The following FAM53A variants were observed in gnomAD, a reference collection of about 807,000 sequenced individuals.
FAM53A encodes the protein family with sequence similarity 53 member A.
In FAM53A, 28 loss-of-function variants were observed where a neutral mutation model predicts 26.6. The observed-to-expected ratio is 1.05, with a 90% CI of 0.78 to 1.45. The LOEUF (loss-of-function observed/expected upper bound fraction) is 1.45, where lower values mean the gene tolerates loss of function less well. Ranked by LOEUF, FAM53A falls within the 40% of genes most tolerant of loss-of-function variation. The pLI is 0.00. For missense variants in FAM53A, 650 were observed against 575.8 expected (o/e 1.13, Z -1.32); for synonymous variants, 290 against 253.1 (o/e 1.15, Z -1.38).
rs1713692967 is a variant in FAM53A, at chr4:1,659,792, G to GTT, written c.76-2326_76-2325dup. On this transcript the variant is annotated intron_variant, in intron 2 of 4. Coordinates refer to ENST00000308132, the MANE Select transcript of FAM53A (RefSeq NM_001174070.3). The surrounding 1 kb of genome is among the most constrained non-coding windows in gnomAD (Gnocchi z 5.2). The stretch of plus-strand genomic sequence containing the variant: ...TCCTGGTTCACAGACGGCTCTTCCG[G>GTT]TTGTATCTATGCATGGTCGAAGGGG... Among the ~76,000 whole-genome samples the GTT allele has an allele frequency of 6.6e-6, 1 of 152,226 alleles. No homozygotes were observed. The highest frequency in any genetic ancestry group is 6.5e-5 in the Admixed American group (1 of 15,278).
the FAM53A span, among the ~76,000 whole-genome samples, chr4:1,577,240 A>AG: frequency 1.1e-4 from 16 of 152,168 alleles, no homozygotes; most frequent in Non-Finnish European, 2.1e-4. Context: ...AGCAGAGGGG[A>AG]CCATGTGCCA....
the FAM53A span, among the ~76,000 whole-genome samples, chr4:1,585,158 A>G: frequency 2.8e-4 from 43 of 152,214 alleles, no homozygotes; most frequent in African/African-American, 1.0e-3. Flanking sequence ...AACACAATAT[A>G]TGATTAATTA....
chr4:1,622,639 G>A (rs1715094766), intron 1 of FAM53A, among the ~76,000 whole-genome samples: 1 of 152,274 alleles, frequency 6.6e-6, no homozygotes, highest in Admixed American at 6.5e-5. Flanking sequence ...GGGTCTGGCG[G>A]GGGCTGTGAG....
rs956708148 is a variant in FAM53A at position 1,655,140 on chromosome 4, G to C, written c.720C>G (p.Ser240Arg). Reference sequence around the variant, plus strand: ...GCGCAGGCGTGGACGTGGGGCTGCTGCTGGCCCAGGGCAGGGGAGTGCCCG... The same window carrying C: ...GCGCAGGCGTGGACGTGGGGCTGCTCCTGGCCCAGGGCAGGGGAGTGCCCG... ...AGAGTPLPWA[S>R]SSPTSTPALG... Residue 240 changes from serine (S) to arginine (R), a missense_variant, in exon 4 of 5, where the codon AGC (serine) becomes AGG (arginine). Coordinates refer to ENST00000308132, the MANE Select transcript of FAM53A (RefSeq NM_001174070.3). 9 of 1,588,008 alleles carry C rather than the reference G, an allele frequency of 5.7e-6. No homozygotes were observed. Among genetic ancestry groups the C allele is most frequent in the South Asian group, 2.3e-5 (2 of 88,852 alleles).
intron 1 of FAM53A, among the ~76,000 whole-genome samples, chr4:1,631,819 T>A (rs1050029206): frequency 6.6e-6 from 1 of 152,102 alleles, no homozygotes; most frequent in Non-Finnish European, 1.5e-5. Flanking sequence ...GGGGGACACA[T>A]GATATACAAG....
At chr4:1,618,534 G>A (rs1239206377) in intron 1 of FAM53A, among the ~76,000 whole-genome samples, 2 of 152,226 alleles carry the variant, frequency 1.3e-5, no homozygotes, top group African/African-American at 2.4e-5. Context: ...GTGCCCACCT[G>A]GAGGTGTGGG....
chr4:1,649,797 G>A (rs1712583252), intron 4 of FAM53A, among the ~76,000 whole-genome samples: 1 of 152,270 alleles, frequency 6.6e-6, no homozygotes, highest in Non-Finnish European at 1.5e-5. Context: ...CGGCCTCCGG[G>A]ACCCCTGAGG....
At chr4:1,610,306 G>A in the FAM53A span, among the ~76,000 whole-genome samples, 25 of 150,886 alleles carry the variant, frequency 1.7e-4, no homozygotes, top group African/African-American at 4.6e-4. Flanking sequence ...CCTGGCCCCC[G>A]GACCCCAGCT....
chr4:1,620,516 A>G (rs979641949), intron 1 of FAM53A, among the ~76,000 whole-genome samples: 12 of 152,022 alleles, frequency 7.9e-5, no homozygotes, highest in Admixed American at 5.9e-4. Flanking sequence ...TACCACCACC[A>G]TCAGCAATGC....
At position 1,655,323 on chromosome 4, in the gene FAM53A, G is replaced by T; in HGVS notation, c.537C>A (p.Pro179=). 7.0e-7 allele frequency: 1 copy of T among 1,420,320 alleles called. No homozygotes were observed. Among genetic ancestry groups the T allele is most frequent in the East Asian group, 2.8e-5 (1 of 35,728 alleles). 88.0% of individuals were successfully genotyped at this position (1,420,320 alleles called of 1,614,324 possible). ...LPRSAVWSTG[P]TSPATPRPSS... is the part of the protein sequence containing the mutation. The stretch of plus-strand genomic sequence containing the variant: ...ACGGCCGGGGCGTGGCGGGCGAGGT[G>T]GGACCGGTCGACCACACAGCACTCC... The change falls in exon 4 of 5, where the codon CCC becomes CCA. Residue 179 remains proline, a synonymous_variant. Transcript: ENST00000308132.
rs1188864660 is a variant in FAM53A at position 1,656,877 on chromosome 4, TG to T, written c.136+530del. 2.4e-4 allele frequency among the ~76,000 whole-genome samples: 36 copies of T among 152,150 alleles called. 1 individual carries two copies. The highest frequency in any genetic ancestry group is 4.4e-5 in the Non-Finnish European group (3 of 67,968). On this transcript the variant is annotated intron_variant, in intron 3 of 4. Transcript: ENST00000308132. ...AGGGAGATGCCCCTGGGACCTTCGC[TG>T]GGGGAGGACCTGGGACCCCAGGGTT...
At chr4:1,589,610 G>A in the FAM53A span, among the ~76,000 whole-genome samples, 4 of 151,910 alleles carry the variant, frequency 2.6e-5, no homozygotes, top group African/African-American at 9.7e-5. Context: ...ATAGCTAATG[G>A]ATATTAGTCT....
chr4:1,661,519 C>T (rs1713833175), intron 2 of FAM53A, among the ~76,000 whole-genome samples: 1 of 152,308 alleles, frequency 6.6e-6, no homozygotes, highest in African/African-American at 2.4e-5. Flanking sequence ...TCAGGCCCTA[C>T]CGCCTCCTGG....
Position 1,655,609 on chromosome 4 carries a change from A to T in FAM53A, c.251T>A (p.Leu84His), listed in dbSNP as rs1713301626. ...GCGCGGGGACTGTGGCTGCCACTGA[A>T]GACCCATGGTGTGAGCGGCAGCAGA... is the stretch of plus-strand genomic sequence containing the variant. ...GLSAAAHTMG[L>H]QWQPQSPRPG... The change falls in exon 4 of 5, where the codon CTT (leucine) becomes CAT (histidine). Residue 84 changes from leucine (L) to histidine (H), a missense_variant. Leu to His is a moderately conservative substitution (Grantham distance 99). Transcript: ENST00000308132. 1 of 1,592,176 alleles carries T rather than the reference A, an allele frequency of 6.3e-7. No individual in the cohort carries two copies. The highest frequency in any genetic ancestry group is 1.4e-5 in the African/African-American group (1 of 74,030).
chr4:1,677,968 T>A (rs1367273839), intron 1 of FAM53A, among the ~76,000 whole-genome samples: 1 of 151,932 alleles, frequency 6.6e-6, no homozygotes, highest in Non-Finnish European at 1.5e-5. Context: ...ATAAAGTTTA[T>A]ACAGAGAGGC....
the FAM53A span, among the ~76,000 whole-genome samples, chr4:1,577,587 T>A: frequency 0.026 from 4,004 of 152,300 alleles, 177 homozygotes; most frequent in African/African-American, 0.091. Flanking sequence ...ATCATTTTTT[T>A]AATTACCAGC....
At position 1,629,915 on chromosome 4, in the gene FAM53A, C is replaced by T. The variant is rs542567882; in HGVS notation, c.432-11804G>A. ...TGGGGACAGCCTGGGCCTCACACCCCGGCTTAAAGCTGTGGTTTATTCAGA... is the reference window on the plus strand; with the variant it reads ...TGGGGACAGCCTGGGCCTCACACCCTGGCTTAAAGCTGTGGTTTATTCAGA... On this transcript the variant is annotated intron_variant, in intron 1 of 1. Transcript: ENST00000489029. Among the ~76,000 whole-genome samples, 237 of 152,266 alleles carry T rather than the reference C, an allele frequency of 1.6e-3. 1 individual carries two copies. Among genetic ancestry groups the T allele is most frequent in the African/African-American group, 5.6e-3 (231 of 41,552 alleles).
the FAM53A span, among the ~76,000 whole-genome samples, chr4:1,589,403 GA>G: frequency 6.6e-6 from 1 of 151,962 alleles, no homozygotes; most frequent in South Asian, 2.1e-4. Flanking sequence ...TTTTTTTATT[GA>G]AAGGCCTTAC....
chr4:1,589,717 A>AGG, the FAM53A span, among the ~76,000 whole-genome samples: 1 of 152,156 alleles, frequency 6.6e-6, no homozygotes, highest in Non-Finnish European at 1.5e-5. Flanking sequence ...ATTAGTGTAT[A>AGG]GTCATTCATA....
Sources: allele counts gnomAD v4.1 joint callset (sites outside exome capture counted in the v4.1 genomes callset), GRCh38; gene constraint gnomAD v4.1.1; non-coding constraint Gnocchi (gnomAD v3.1); transcripts MANE v1.5; gene names NCBI Gene and HGNC (gene_info 2026-07-23, HGNC 2026-07-21).